LTBP1: variants seen among roughly 807,000 people sequenced by gnomAD.
LTBP1 encodes latent-transforming growth factor beta-binding protein 1.
A neutral mutation model predicts 207.6 loss-of-function variants in LTBP1; 129 were observed. The observed-to-expected ratio is 0.62, with a 90% CI of 0.54 to 0.72. The LOEUF (loss-of-function observed/expected upper bound fraction) is 0.72, where lower values mean the gene tolerates loss of function less well. Among genes scored for constraint, LTBP1 ranks in the 30% least tolerant of loss-of-function variants. LTBP1 has a pLI of 0.00. For synonymous variants in LTBP1, 963 were observed against 833.7 expected (o/e 1.16, Z -2.67); for missense variants, 2,281 against 2,217.2 (o/e 1.03, Z -0.58).
intron 13 of LTBP1, among the ~76,000 whole-genome samples, chr2:33,261,029 G>GAA (rs1573485923): frequency 6.6e-6 from 1 of 152,202 alleles, no homozygotes; most frequent in Admixed American, 6.5e-5. Context: ...ATGAAGAAAA[G>GAA]AAAGGATACC....
chr2:33,300,188 T>C (rs1000565833), intron 20 of LTBP1, among the ~76,000 whole-genome samples: 59 of 152,302 alleles, frequency 3.9e-4, no homozygotes, highest in African/African-American at 1.4e-3. Context: ...CATGTTGTAT[T>C]CCAAGACACT....
intron 5 of LTBP1, among the ~76,000 whole-genome samples, chr2:33,169,645 T>C (rs2085244810): frequency 6.6e-6 from 1 of 152,166 alleles, no homozygotes; most frequent in African/African-American, 2.4e-5. Flanking sequence ...AACTTAATTA[T>C]AGAAAAGCAG....
intron 7 of LTBP1, among the ~76,000 whole-genome samples, chr2:33,196,407 T>C (rs1307885990): frequency 4.6e-5 from 7 of 152,200 alleles, no homozygotes; most frequent in Admixed American, 4.6e-4. Flanking sequence ...TAGAGACTTT[T>C]TAGAAACAAA....
chr2:33,010,635 T>C (rs1259519730), intron 2 of LTBP1, among the ~76,000 whole-genome samples: 2 of 151,910 alleles, frequency 1.3e-5, no homozygotes, highest in East Asian at 3.9e-4. Context: ...ATGGACCCCA[T>C]AAACATGTAC....
chr2:33,287,653 T>A (rs944746229), intron 19 of LTBP1, among the ~76,000 whole-genome samples: 3 of 152,240 alleles, frequency 2.0e-5, no homozygotes, highest in Non-Finnish European at 2.9e-5. Context: ...ATTGGATTTT[T>A]CTGAGATCAT....
chr2:33,319,538 C>G (rs1460628409), intron 24 of LTBP1, among the ~76,000 whole-genome samples: 1 of 152,022 alleles, frequency 6.6e-6, no homozygotes, highest in Non-Finnish European at 1.5e-5. Flanking sequence ...CACGTCTGTC[C>G]CCATGGCCCA....
At chr2:33,004,318 A>G (rs890284502) in intron 2 of LTBP1, among the ~76,000 whole-genome samples, 2 of 151,932 alleles carry the variant, frequency 1.3e-5, no homozygotes, top group Non-Finnish European at 2.9e-5. Flanking sequence ...CTTTGGCCAC[A>G]CTTTGGCCAG....
Position 33,300,634 on chromosome 2 carries a change from G to A in LTBP1, c.3358+61G>A, listed in dbSNP as rs116033587. The stretch of plus-strand genomic sequence containing the variant: ...GCTTAAAGCACCTGGTCTGAAAAAG[G>A]TACGCTCAATCAAGTGAGTTTACCT... On this transcript the variant is annotated intron_variant, in intron 21 of 33. Coordinates refer to ENST00000404816, the MANE Select transcript of LTBP1 (RefSeq NM_206943.4). 4,479 of 1,544,664 alleles carry A rather than the reference G, an allele frequency of 2.9e-3. 129 individuals are homozygous for A. In the African/African-American group the frequency reaches 0.056, roughly 19 times the overall value.
At chr2:33,279,218 G>T (rs763946024) in intron 18 of LTBP1, among the ~76,000 whole-genome samples, 3 of 152,144 alleles carry the variant, frequency 2.0e-5, no homozygotes, top group Non-Finnish European at 4.4e-5. Context: ...AGAAGCCATG[G>T]TGTTAACACT....
rs1015267448 is a variant in LTBP1, at chr2:33,399,462, C to G, written c.*917C>G. 2 of 152,172 alleles carry G rather than the reference C, an allele frequency of 1.3e-5. No individual in the cohort carries two copies. Among genetic ancestry groups the G allele is most frequent in the Non-Finnish European group, 2.9e-5 (2 of 68,024 alleles). 9.4% of individuals were successfully genotyped at this position (152,172 alleles called of 1,614,324 possible). A position where few individuals can be genotyped will look rare whatever the true frequency, so the allele number is the denominator to read the frequency against. ...CAGTGGTCTTCTGTTAATGTAGTGTCTTTTACAAGTTAATCATTAAATTTG... is the reference window on the plus strand; with the variant it reads ...CAGTGGTCTTCTGTTAATGTAGTGTGTTTTACAAGTTAATCATTAAATTTG... On this transcript the variant is annotated 3_prime_UTR_variant, in exon 34 of 34. Transcript: ENST00000404816.
chr2:33,050,533 A>G (rs2076682382), intron 3 of LTBP1, among the ~76,000 whole-genome samples: 1 of 152,130 alleles, frequency 6.6e-6, no homozygotes, highest in South Asian at 2.1e-4. Context: ...GTATTTAAAA[A>G]CATAGAGAAC....
intron 9 of LTBP1, among the ~76,000 whole-genome samples, chr2:33,236,566 G>A (rs1017418531): frequency 1.3e-5 from 2 of 152,180 alleles, no homozygotes; most frequent in African/African-American, 4.8e-5. Flanking sequence ...AAAAGGAAAT[G>A]TCTGTTTATT....
chr2:33,188,352 C>T (rs1573056227), intron 6 of LTBP1, among the ~76,000 whole-genome samples: 2 of 135,762 alleles, frequency 1.5e-5, no homozygotes, highest in Middle Eastern at 4.7e-3. Context: ...ACCTGGGATG[C>T]AGAGGTTGAG....
intron 26 of LTBP1, among the ~76,000 whole-genome samples, chr2:33,350,553 G>A (rs1009138565): frequency 6.6e-6 from 1 of 152,168 alleles, no homozygotes; most frequent in Non-Finnish European, 1.5e-5. Flanking sequence ...GAACTCTAAT[G>A]TCCTAGGGTT....
intron 7 of LTBP1, among the ~76,000 whole-genome samples, chr2:33,209,986 T>C (rs757296835): frequency 6.6e-6 from 1 of 152,244 alleles, no homozygotes; most frequent in African/African-American, 2.4e-5. Context: ...GAGGTGGTAA[T>C]TGGTAAAGTG....
intron 24 of LTBP1, among the ~76,000 whole-genome samples, chr2:33,333,231 GT>G (rs71975994): frequency 0.32 from 48,248 of 149,036 alleles, 8,565 homozygotes; most frequent in Non-Finnish European, 0.4. Context: ...AATTTGTAGA[GT>G]TTTTTTTTTT....
At position 33,187,923 on chromosome 2, in the gene LTBP1, A is replaced by G. The variant is rs188645814; in HGVS notation, c.1427-654A>G. 6.9e-3 allele frequency among the ~76,000 whole-genome samples: 1,058 copies of G among 152,272 alleles called. 12 individuals carry two copies. Among genetic ancestry groups the G allele is most frequent in the African/African-American group, 0.024 (996 of 41,574 alleles). On this transcript the variant is annotated intron_variant, in intron 6 of 33. Coordinates refer to ENST00000404816, the MANE Select transcript of LTBP1 (RefSeq NM_206943.4). ...TTATGAGAAATTCAAAAATAATCAA[A>G]TGCTTGATCTTTCTGATTAACATTT...
chr2:33,120,809 A>G, intron 4 of LTBP1, among the ~76,000 whole-genome samples: 1 of 152,206 alleles, frequency 6.6e-6, no homozygotes, highest in Non-Finnish European at 1.5e-5. Context: ...TACTCCCACC[A>G]GCAGTGTTGT....
At chr2:33,279,004 C>T (rs1175917379) in intron 18 of LTBP1, among the ~76,000 whole-genome samples, 1 of 152,176 alleles carries the variant, frequency 6.6e-6, no homozygotes, top group Non-Finnish European at 1.5e-5. Context: ...AGAATGTAGA[C>T]ATCACATACC....
Sources: gnomAD v4.1 joint callset for allele counts (sites outside exome capture counted in the v4.1 genomes callset) on GRCh38, gnomAD v4.1.1 for gene constraint, MANE v1.5 for transcripts, NCBI Gene and HGNC (gene_info 2026-07-23, HGNC 2026-07-21) for gene names.